The following SCFD2 variants were observed in gnomAD, a reference collection of about 807,000 sequenced individuals.
The protein encoded by SCFD2 is sec1 family domain containing 2.
SCFD2 carries 54 observed loss-of-function variants against 58.9 expected under a neutral mutation model. That is an observed-to-expected ratio of 0.92 (90% CI 0.74 to 1.15). The LOEUF is 1.15. Among genes scored for constraint, SCFD2 ranks in the 50% most tolerant of loss-of-function variants. SCFD2 has a pLI of 0.00. For synonymous variants in SCFD2, 321 were observed against 335.9 expected (o/e 0.96, Z 0.49); for missense variants, 805 against 836.6 (o/e 0.96, Z 0.47).
chr4:52,915,725 G>A (rs1034108738), intron 6 of SCFD2, among the ~76,000 whole-genome samples: 5 of 152,162 alleles, frequency 3.3e-5, no homozygotes, highest in Admixed American at 6.5e-5. Flanking sequence ...AGTTCACACA[G>A]CCAATTAGAA....
chr4:53,206,272 C>T (rs568667557), intron 4 of SCFD2, among the ~76,000 whole-genome samples: 179 of 152,198 alleles, frequency 1.2e-3, no homozygotes, highest in Middle Eastern at 6.8e-3. Flanking sequence ...CTGTTGCCTC[C>T]TTGTCTCCCA....
chr4:52,944,166 C>T (rs1408967905), intron 5 of SCFD2, among the ~76,000 whole-genome samples: 1 of 152,044 alleles, frequency 6.6e-6, no homozygotes, highest in Non-Finnish European at 1.5e-5. Context: ...ATCATATGAC[C>T]TCTCAATATT....
At chr4:53,228,255 A>G (rs953762497) in intron 4 of SCFD2, among the ~76,000 whole-genome samples, 10 of 152,180 alleles carry the variant, frequency 6.6e-5, no homozygotes, top group Non-Finnish European at 1.2e-4. Flanking sequence ...AGACTTCAGG[A>G]TGATTTTACA....
Position 53,294,427 on chromosome 4 carries a change from G to C in SCFD2, c.1135+19209C>G, listed in dbSNP as rs543033662. Among the ~76,000 whole-genome samples the C allele has an allele frequency of 6.6e-5, 10 of 152,322 alleles. No homozygotes were observed. In the East Asian group the frequency reaches 1.9e-3, roughly 29 times the overall value. ...GAGCATTTTTTCATGTTCGTTGGCT[G>C]CATAAAGGTCTTCTTTTGAGAAGTG... On this transcript the variant is annotated intron_variant, in intron 3 of 8. Coordinates refer to ENST00000401642, the MANE Select transcript of SCFD2 (RefSeq NM_152540.4).
intron 1 of SCFD2, among the ~76,000 whole-genome samples, chr4:53,363,393 C>T (rs1222519349): frequency 6.6e-6 from 1 of 151,968 alleles, no homozygotes; most frequent in African/African-American, 2.4e-5. Flanking sequence ...AAGCAGTCTG[C>T]CCCCCTCAGC....
chr4:52,957,850 G>A (rs1013890773), intron 5 of SCFD2: 6 of 152,170 alleles, frequency 3.9e-5, no homozygotes, highest in African/African-American at 1.4e-4. Context: ...ATCAGACCGA[G>A]GTTATACTTA....
At chr4:53,352,321 A>G (rs1284103381) in intron 2 of SCFD2, among the ~76,000 whole-genome samples, 4 of 152,230 alleles carry the variant, frequency 2.6e-5, no homozygotes, top group African/African-American at 7.2e-5. Context: ...TGTGAAATGG[A>G]GATACATAAA....
chr4:53,295,065 G>C (rs1308157881), intron 3 of SCFD2, among the ~76,000 whole-genome samples: 1 of 152,172 alleles, frequency 6.6e-6, no homozygotes, highest in Non-Finnish European at 1.5e-5. Flanking sequence ...TTTGAAGTCA[G>C]GTAGTGTGAT....
At position 52,873,011 on chromosome 4, in the gene SCFD2, T is replaced by C. The variant is rs923972252; in HGVS notation, c.*958A>G. 2 of 152,244 alleles carry C rather than the reference T, an allele frequency of 1.3e-5. No homozygotes were observed. The highest frequency in any genetic ancestry group is 4.8e-5 in the African/African-American group (2 of 41,464). 9.4% of individuals were successfully genotyped at this position (152,244 alleles called of 1,614,324 possible). The stretch of plus-strand genomic sequence containing the variant: ...CAGTTTTATCTCTTTATTACCAACA[T>C]GGATGCCAGAAACTTCCATCGACCA... On this transcript the variant is annotated 3_prime_UTR_variant, in exon 9 of 9. Transcript: ENST00000401642.
intron 4 of SCFD2, among the ~76,000 whole-genome samples, chr4:53,201,594 C>T (rs927682892): frequency 7.9e-5 from 12 of 152,016 alleles, no homozygotes; most frequent in East Asian, 5.8e-4. Flanking sequence ...CCTGAGGAAT[C>T]GCCACACTGA....
intron 5 of SCFD2, among the ~76,000 whole-genome samples, chr4:53,012,374 T>TCA (rs1207940338): frequency 3.4e-5 from 5 of 148,450 alleles, no homozygotes; most frequent in South Asian, 2.1e-4. Context: ...TCTCTCTCTC[T>TCA]CTCACACACA....
intron 2 of SCFD2, among the ~76,000 whole-genome samples, chr4:53,321,107 T>G (rs1239908987): frequency 6.6e-6 from 1 of 152,210 alleles, no homozygotes; most frequent in African/African-American, 2.4e-5. Flanking sequence ...CAAATTGTCA[T>G]GTTTGAAGAA....
intron 5 of SCFD2, among the ~76,000 whole-genome samples, chr4:52,969,476 C>A (rs1324728830): frequency 6.6e-6 from 1 of 152,184 alleles, no homozygotes; most frequent in Non-Finnish European, 1.5e-5. Flanking sequence ...CTCAAACATT[C>A]CATCTCTTGT....
At chr4:52,953,138 A>G (rs912025151) in intron 5 of SCFD2, among the ~76,000 whole-genome samples, 1 of 152,226 alleles carries the variant, frequency 6.6e-6, no homozygotes, top group Non-Finnish European at 1.5e-5. Context: ...AGTGCCTGGT[A>G]CTACTCGGTG....
At chr4:53,281,615 C>T (rs1413745824) in intron 3 of SCFD2, among the ~76,000 whole-genome samples, 2 of 152,078 alleles carry the variant, frequency 1.3e-5, no homozygotes, top group Admixed American at 1.3e-4. Flanking sequence ...TTTATATTGG[C>T]TCCTCAGGAG....
At chr4:53,009,165 G>A (rs746761627) in intron 5 of SCFD2, among the ~76,000 whole-genome samples, 5 of 152,010 alleles carry the variant, frequency 3.3e-5, no homozygotes, top group Non-Finnish European at 5.9e-5. Flanking sequence ...TATTATTTTC[G>A]TCCAGTATTG....
intron 4 of SCFD2, among the ~76,000 whole-genome samples, chr4:53,226,722 T>C (rs1729228896): frequency 6.6e-6 from 1 of 152,106 alleles, no homozygotes; most frequent in Non-Finnish European, 1.5e-5. Flanking sequence ...GGGTGATCAG[T>C]GCAAGAGGAT....
chr4:53,352,523 TGGGAA>T, intron 2 of SCFD2, 70 bp downstream of exon 2: 2 of 1,186,956 alleles, frequency 1.7e-6, no homozygotes, highest in African/African-American at 1.5e-5. Context: ...TTTTTTCCTA[TGGGAA>T]TACTCAGTCT....
chr4:53,251,347 A>C (rs1306231474), intron 4 of SCFD2, among the ~76,000 whole-genome samples: 1 of 152,176 alleles, frequency 6.6e-6, no homozygotes. Context: ...TATTCCAATC[A>C]ATAGAAAAAG....
Sources: gnomAD v4.1 joint callset for allele counts (sites outside exome capture counted in the v4.1 genomes callset) on GRCh38, gnomAD v4.1.1 for gene constraint, MANE v1.5 for transcripts, NCBI Gene and HGNC (gene_info 2026-07-23, HGNC 2026-07-21) for gene names.